TBC1D1: variants seen among roughly 807,000 people sequenced by gnomAD.
TBC1D1 encodes TBC1 (tre-2/USP6, BUB2, cdc16) domain family, member 1.
In TBC1D1, 89 loss-of-function variants were observed where a neutral mutation model predicts 125.6. That is an observed-to-expected ratio of 0.71 (90% CI 0.60 to 0.85). The LOEUF is 0.85. Ranked by LOEUF, TBC1D1 falls within the 40% of genes least tolerant of loss-of-function variation. The pLI is 0.00. For missense variants in TBC1D1, 1,377 were observed against 1,469.2 expected (o/e 0.94, Z 1.03); for synonymous variants, 565 against 564.1 (o/e 1.00, Z -0.02).
At chr4:38,115,098 CTTTT>C (rs56997021) in intron 15 of TBC1D1, among the ~76,000 whole-genome samples, 3 of 134,636 alleles carry the variant, frequency 2.2e-5, no homozygotes, top group Non-Finnish European at 3.2e-5. Context: ...TTTCTTTTTT[CTTTT>C]TTTTTTTTTT....
intron 2 of TBC1D1, among the ~76,000 whole-genome samples, chr4:37,966,936 A>G (rs1381449772): frequency 1.3e-5 from 2 of 152,216 alleles, no homozygotes; most frequent in Admixed American, 6.5e-5. Flanking sequence ...TACCAGGCAC[A>G]TTCTTCTTGT....
At chr4:37,955,062 T>C (rs561331549) in intron 2 of TBC1D1, among the ~76,000 whole-genome samples, 3 of 152,272 alleles carry the variant, frequency 2.0e-5, no homozygotes, top group East Asian at 3.9e-4. Context: ...TGATGTGTCA[T>C]GTACCGATTT....
intron 12 of TBC1D1, among the ~76,000 whole-genome samples, chr4:38,058,092 G>A (rs183286894): frequency 6.6e-6 from 1 of 152,346 alleles, no homozygotes; most frequent in Non-Finnish European, 1.5e-5. Flanking sequence ...GCATTTTAAT[G>A]TACGTACTTG....
intron 18 of TBC1D1, among the ~76,000 whole-genome samples, chr4:38,132,075 C>A (rs1424485519): frequency 6.6e-6 from 1 of 152,184 alleles, no homozygotes; most frequent in Non-Finnish European, 1.5e-5. Flanking sequence ...AGTAGTTTTA[C>A]ACTGATTTTT....
At chr4:37,981,496 T>C (rs1349197478) in intron 2 of TBC1D1, among the ~76,000 whole-genome samples, 2 of 152,118 alleles carry the variant, frequency 1.3e-5, no homozygotes, top group Admixed American at 1.3e-4. Context: ...ATGGGAGAGA[T>C]AGCAAAGCAG....
intron 2 of TBC1D1, among the ~76,000 whole-genome samples, chr4:37,987,088 A>G (rs1735627477): frequency 1.3e-5 from 2 of 152,186 alleles, no homozygotes; most frequent in South Asian, 4.1e-4. Flanking sequence ...CTTCCCTCTA[A>G]TATGAGAGAT....
intron 2 of TBC1D1, among the ~76,000 whole-genome samples, chr4:38,013,009 G>C (rs1371576722): frequency 1.3e-5 from 2 of 151,922 alleles, no homozygotes; most frequent in Non-Finnish European, 2.9e-5. Context: ...TGGCCAGGCT[G>C]GTCTCAACCT....
rs74754524 is a variant in TBC1D1, at chr4:37,968,277, C to T, written c.418-46232C>T. ...TACTCTCAAAGGGCTTTGTTACTAT[C>T]TTCTTGTCTCCTCTGGAGTTGCAAG... On this transcript the variant is annotated intron_variant, in intron 2 of 19. Coordinates refer to ENST00000261439, the MANE Select transcript of TBC1D1 (RefSeq NM_015173.4). Among the ~76,000 whole-genome samples the T allele has an allele frequency of 1.4e-3, 214 of 152,334 alleles. 4 individuals carry two copies. The East Asian group carries it at 0.036, about 26-fold the overall frequency.
At chr4:37,904,877 C>A (rs971083627) in intron 2 of TBC1D1, among the ~76,000 whole-genome samples, 1 of 152,194 alleles carries the variant, frequency 6.6e-6, no homozygotes, top group Admixed American at 6.5e-5. Flanking sequence ...CTTGGGACAC[C>A]AATGTCACTG....
At chr4:37,998,473 G>A (rs1002891875) in intron 2 of TBC1D1, among the ~76,000 whole-genome samples, 2 of 152,104 alleles carry the variant, frequency 1.3e-5, no homozygotes, top group African/African-American at 2.4e-5. Flanking sequence ...CAGCTGGGTC[G>A]GGCTGTCCTG....
At chr4:37,938,059 C>T (rs1165131853) in intron 2 of TBC1D1, among the ~76,000 whole-genome samples, 1 of 152,088 alleles carries the variant, frequency 6.6e-6, no homozygotes, top group Non-Finnish European at 1.5e-5. Context: ...TTTAGGATGT[C>T]TCTTGTAGAG....
chr4:38,000,763 G>C (rs1385486858), intron 2 of TBC1D1, among the ~76,000 whole-genome samples: 1 of 152,114 alleles, frequency 6.6e-6, no homozygotes, highest in Non-Finnish European at 1.5e-5. Flanking sequence ...AGTTAGCACA[G>C]ACCCCACAAG....
At chr4:37,978,590 T>C (rs1284052753) in intron 2 of TBC1D1, among the ~76,000 whole-genome samples, 1 of 152,240 alleles carries the variant, frequency 6.6e-6, no homozygotes, top group African/African-American at 2.4e-5. Context: ...TGATACAAAA[T>C]TGGAGACACA....
chr4:38,044,729 G>T (rs540738796), intron 9 of TBC1D1, among the ~76,000 whole-genome samples: 2 of 151,670 alleles, frequency 1.3e-5, no homozygotes, highest in South Asian at 2.1e-4. Flanking sequence ...TTTTTTTGCC[G>T]CTCCAAAGAA....
intron 18 of TBC1D1, among the ~76,000 whole-genome samples, chr4:38,127,190 C>T (rs1228195607): frequency 6.6e-6 from 1 of 151,980 alleles, no homozygotes; most frequent in African/African-American, 2.4e-5. Flanking sequence ...AAAAAAATCC[C>T]ATTGTCTCCT....
intron 18 of TBC1D1, among the ~76,000 whole-genome samples, chr4:38,127,679 C>T (rs894346785): frequency 1.3e-5 from 2 of 152,088 alleles, no homozygotes; most frequent in Non-Finnish European, 2.9e-5. Flanking sequence ...CCACTGTGCC[C>T]GACCTCCACT....
chr4:38,011,364 AAAAAG>A (rs1578258764), intron 2 of TBC1D1, among the ~76,000 whole-genome samples: 1 of 152,014 alleles, frequency 6.6e-6, no homozygotes, highest in Non-Finnish European at 1.5e-5. Flanking sequence ...AAAAAAAAAA[AAAAAG>A]AAAAAGAAAA....
chr4:37,985,043 G>T (rs1477061310), intron 2 of TBC1D1, among the ~76,000 whole-genome samples: 1 of 151,616 alleles, frequency 6.6e-6, no homozygotes, highest in Non-Finnish European at 1.5e-5. Context: ...ACCTCTGCCT[G>T]CCGGGTTCAA....
chr4:38,043,568 G>T (rs1232210197), intron 8 of TBC1D1, among the ~76,000 whole-genome samples: 1 of 147,290 alleles, frequency 6.8e-6, no homozygotes, highest in Non-Finnish European at 1.5e-5. Flanking sequence ...GGGCAACAAA[G>T]TGAGACCCTG....
Sources: gnomAD v4.1 joint callset for allele counts (sites outside exome capture counted in the v4.1 genomes callset) on GRCh38, gnomAD v4.1.1 for gene constraint, MANE v1.5 for transcripts, NCBI Gene and HGNC (gene_info 2026-07-23, HGNC 2026-07-21) for gene names.